Variants in PTPN13 observed in about 807,000 individuals in gnomAD.
PTPN13 encodes the protein tyrosine-protein phosphatase non-receptor type 13.
A neutral mutation model predicts 284.0 loss-of-function variants in PTPN13; 191 were observed. The ratio of observed to expected loss-of-function variants is 0.67; its 90% CI spans 0.60 to 0.76. The LOEUF (loss-of-function observed/expected upper bound fraction) is 0.76, where lower values mean the gene tolerates loss of function less well. PTPN13 is among the 30% of genes least tolerant of loss of function. PTPN13 has a pLI of 0.00. For missense variants in PTPN13, 2,797 were observed against 2,939.9 expected (o/e 0.95, Z 1.12); for synonymous variants, 986 against 1,022.3 (o/e 0.96, Z 0.68).
chr4:86,720,874 T>A (rs1295009087), intron 9 of PTPN13, among the ~76,000 whole-genome samples: 1 of 152,082 alleles, frequency 6.6e-6, no homozygotes, highest in Non-Finnish European at 1.5e-5. Context: ...TGCAGCAGAA[T>A]GAGTAATTTT....
At chr4:86,790,653 C>A (rs10009789) in intron 40 of PTPN13, among the ~76,000 whole-genome samples, 15,128 of 152,038 alleles carry the variant, frequency 0.1, 871 homozygotes, top group Non-Finnish European at 0.11. Flanking sequence ...AGGATTCACC[C>A]TTAGAAGGGC....
intron 1 of PTPN13, among the ~76,000 whole-genome samples, chr4:86,609,784 TTTTG>T (rs1485826279): frequency 2.0e-5 from 3 of 152,112 alleles, no homozygotes; most frequent in African/African-American, 7.2e-5. Context: ...AATTTTATGG[TTTTG>T]TTTAAGTTGA....
At chr4:86,738,922 CT>C (rs1735838041) in intron 15 of PTPN13, among the ~76,000 whole-genome samples, 1 of 152,228 alleles carries the variant, frequency 6.6e-6, no homozygotes, top group Non-Finnish European at 1.5e-5. Flanking sequence ...CTGAAGTAAT[CT>C]GCCTGCCTTG....
chr4:86,717,422 C>G (rs1733161212), intron 9 of PTPN13, among the ~76,000 whole-genome samples: 1 of 152,072 alleles, frequency 6.6e-6, no homozygotes, highest in South Asian at 2.1e-4. Context: ...CTCCTGACCT[C>G]AAGTGATCCA....
Position 86,686,742 on chromosome 4 carries a change from T to C in PTPN13, c.327T>C (p.Tyr109=), listed in dbSNP as rs759976258. 14 of 1,581,910 alleles carry C rather than the reference T, an allele frequency of 8.9e-6. No homozygotes were observed. Among genetic ancestry groups the C allele is most frequent in the South Asian group, 1.2e-5 (1 of 85,214 alleles). ...TTTATTCTCTTGGAATGACACTGTA[T>C]TGGGGGGCTGATTATGAAGTGCCTC... ...IHIYSLGMTL[Y]WGADYEVPQS... Residue 109 remains tyrosine, a synonymous_variant, in exon 4 of 48, where the codon TAT becomes TAC. Transcript: ENST00000411767.
intron 37 of PTPN13, among the ~76,000 whole-genome samples, chr4:86,784,081 T>A (rs944015232): frequency 3.3e-5 from 5 of 152,110 alleles, no homozygotes; most frequent in South Asian, 4.1e-4. Context: ...TAAACTTTTT[T>A]AAAATTGTAT....
At chr4:86,595,019 T>G (rs777257938) in intron 1 of PTPN13, among the ~76,000 whole-genome samples, 5 of 151,942 alleles carry the variant, frequency 3.3e-5, no homozygotes, top group Non-Finnish European at 5.9e-5. Context: ...GAAACTCCAT[T>G]GCTAATTAGG....
At chr4:86,632,899 C>T (rs553843966) in intron 1 of PTPN13, among the ~76,000 whole-genome samples, 1 of 152,228 alleles carries the variant, frequency 6.6e-6, no homozygotes, top group South Asian at 2.1e-4. Flanking sequence ...ACCTCAGACT[C>T]CTGGGCTCAA....
At chr4:86,779,736 C>G (rs1741080455) in intron 35 of PTPN13, among the ~76,000 whole-genome samples, 1 of 152,018 alleles carries the variant, frequency 6.6e-6, no homozygotes, top group African/African-American at 2.4e-5. Context: ...TTAGGCAACT[C>G]CCCTCTTCTC....
chr4:86,699,257 G>A (rs1364623045), intron 6 of PTPN13, among the ~76,000 whole-genome samples: 3 of 151,944 alleles, frequency 2.0e-5, no homozygotes, highest in Non-Finnish European at 4.4e-5. Flanking sequence ...GTGGTGGTGG[G>A]CGCCTGTGGT....
chr4:86,668,437 G>A (rs1409136809), intron 2 of PTPN13, among the ~76,000 whole-genome samples: 2 of 152,118 alleles, frequency 1.3e-5, no homozygotes, highest in Non-Finnish European at 2.9e-5. Context: ...TCTGTGGTTT[G>A]ACTATGTTTT....
chr4:86,737,192 C>A (rs1447538705), intron 15 of PTPN13, among the ~76,000 whole-genome samples: 1 of 151,696 alleles, frequency 6.6e-6, no homozygotes, highest in African/African-American at 2.4e-5. Flanking sequence ...AAGCTTTGAT[C>A]TTGTCACTGG....
chr4:86,697,966 T>C (rs950108768), intron 6 of PTPN13, among the ~76,000 whole-genome samples: 4 of 152,200 alleles, frequency 2.6e-5, no homozygotes, highest in Admixed American at 2.6e-4. Flanking sequence ...CTTGAAATCT[T>C]ACCCAAGGAA....
At chr4:86,703,118 T>C (rs531212348) in intron 7 of PTPN13, among the ~76,000 whole-genome samples, 1 of 152,212 alleles carries the variant, frequency 6.6e-6, no homozygotes, top group East Asian at 1.9e-4. Flanking sequence ...TGGAGGAAAT[T>C]ATTGAATAGT....
rs576340614 is a variant in PTPN13, at chr4:86,686,895, C to G, written c.360+120C>G. The stretch of plus-strand genomic sequence containing the variant: ...GCATGCTGTCAGGTGTACCAACATT[C>G]CTATGGAGTTTGTTTACATTAATAA... On this transcript the variant is annotated intron_variant, in intron 4 of 47. Coordinates refer to ENST00000411767, the MANE Select transcript of PTPN13 (RefSeq NM_080683.3). 5.7e-6 allele frequency: 4 copies of G among 696,704 alleles called. No individual in the cohort carries two copies. The South Asian group carries it at 7.2e-5, about 13-fold the overall frequency. The allele number at this position is 696,704 out of a possible 1,614,324, so 43.2% of individuals were successfully genotyped here.
intron 1 of PTPN13, among the ~76,000 whole-genome samples, chr4:86,632,685 G>T (rs1384737876): frequency 6.7e-6 from 1 of 149,742 alleles, no homozygotes; most frequent in African/African-American, 2.5e-5. Flanking sequence ...TCCTCCCCCT[G>T]CGCCTCCTCC....
At chr4:86,786,326 C>T (rs13115681) in intron 40 of PTPN13, among the ~76,000 whole-genome samples, 15,109 of 152,050 alleles carry the variant, frequency 0.099, 858 homozygotes, top group Non-Finnish European at 0.11. Flanking sequence ...TCTGACCTTG[C>T]TTAATATTCT....
At position 86,722,424 on chromosome 4, in the gene PTPN13, G is replaced by A; in HGVS notation, c.1598G>A (p.Arg533Lys). 6.2e-7 allele frequency: 1 copy of A among 1,611,298 alleles called. No homozygotes were observed. Among genetic ancestry groups the A allele is most frequent in the Non-Finnish European group, 8.5e-7 (1 of 1,177,590 alleles). The change falls in exon 10 of 48, where the codon AGA becomes AAA. Residue 533 changes from arginine to lysine, a missense_variant. Arg to Lys is a conservative substitution (Grantham distance 26). Coordinates refer to ENST00000411767, the MANE Select transcript of PTPN13 (RefSeq NM_080683.3). ...GCCCTAGAAACAGCCATGACTCAAA[G>A]AAAACTGAGGGTAAGTTGATTCTCA... ...EIALETAMTQ[R>K]KLRNFFGPEF...
At chr4:86,697,841 A>C in intron 6 of PTPN13, among the ~76,000 whole-genome samples, 1 of 152,180 alleles carries the variant, frequency 6.6e-6, no homozygotes, top group East Asian at 1.9e-4. Flanking sequence ...GTGTAGGATA[A>C]TGTTAATCAC....
Sources: gnomAD v4.1 joint callset for allele counts (sites outside exome capture counted in the v4.1 genomes callset) on GRCh38, gnomAD v4.1.1 for gene constraint, MANE v1.5 for transcripts, NCBI Gene and HGNC (gene_info 2026-07-23, HGNC 2026-07-21) for gene names.